The following IGF1 variants were observed in gnomAD, a reference collection of about 807,000 sequenced individuals.
The protein encoded by IGF1 is insulin-like growth factor 1.
Under a neutral mutation model 13.8 loss-of-function variants are expected in IGF1, and 4 were observed. The observed-to-expected ratio is 0.29, with a 90% CI of 0.14 to 0.66. IGF1 has a LOEUF of 0.66. IGF1 is among the 30% of genes least tolerant of loss of function. The pLI, the probability that IGF1 is intolerant of heterozygous loss-of-function variation, is 0.78. For synonymous variants in IGF1, 76 were observed against 72.6 expected (o/e 1.05, Z -0.23); for missense variants, 124 against 188.5 (o/e 0.66, Z 2.00).
At position 102,444,446 on chromosome 12, in the gene IGF1, C is replaced by A. The variant is rs149329383; in HGVS notation, c.221-24756G>T. Among the ~76,000 whole-genome samples, 1,221 of 151,998 alleles carry A rather than the reference C, an allele frequency of 8.0e-3. 13 individuals carry two copies. Among genetic ancestry groups the A allele is most frequent in the Non-Finnish European group, 0.014 (959 of 67,942 alleles). ...GGAAATGAAAGCATTCTCCCAATACCACCTCAACTTCATGGGCAAAAAGGG... is the reference window on the plus strand; with the variant it reads ...GGAAATGAAAGCATTCTCCCAATACAACCTCAACTTCATGGGCAAAAAGGG... On this transcript the variant is annotated intron_variant, in intron 2 of 3. Transcript: ENST00000337514.
rs970461676 is a variant in IGF1, at chr12:102,400,987, G to C, written c.*1520C>G. 6.6e-6 allele frequency: 1 copy of C among 152,074 alleles called. No individual in the cohort carries two copies. Among genetic ancestry groups the C allele is most frequent in the Admixed American group, 6.6e-5 (1 of 15,256 alleles). 9.4% of individuals were successfully genotyped at this position (152,074 alleles called of 1,614,324 possible). ...GCTGTTAGCTTTTAACAACTAGTTG[G>C]CCAGTTATTTGGATAGCTTCACTGA... On this transcript the variant is annotated 3_prime_UTR_variant, in exon 4 of 4. Coordinates refer to ENST00000337514, the MANE Select transcript of IGF1 (RefSeq NM_000618.5).
intron 3 of IGF1, among the ~76,000 whole-genome samples, chr12:102,413,591 G>T (rs1483756705): frequency 6.6e-6 from 1 of 152,116 alleles, no homozygotes; most frequent in Non-Finnish European, 1.5e-5. Context: ...CTTGTGAAAG[G>T]CACTGGATTG....
At chr12:102,474,786 T>C (rs575149234) in intron 2 of IGF1, among the ~76,000 whole-genome samples, 1 of 152,366 alleles carries the variant, frequency 6.6e-6, no homozygotes, top group East Asian at 1.9e-4. Context: ...GTGAGATAGA[T>C]GCATGGGAGC....
intron 2 of IGF1, among the ~76,000 whole-genome samples, chr12:102,441,960 T>TCTTCTTCTTCTTCTTCC (rs1565985036): frequency 1.4e-5 from 2 of 146,888 alleles, no homozygotes; most frequent in Admixed American, 1.5e-4. Flanking sequence ...TTCTTCTTTT[T>TCTTCTTCTTCTTCTTCC]TTTTTTTGAG....
chr12:102,480,487 T>G lies in IGF1; in HGVS notation c.-106A>C. 6.3e-7 allele frequency: 1 copy of G among 1,577,922 alleles called. No homozygotes were observed. Among genetic ancestry groups the G allele is most frequent in the Non-Finnish European group, 8.6e-7 (1 of 1,162,204 alleles). On this transcript the variant is annotated 5_prime_UTR_variant, in exon 1 of 4. Coordinates refer to ENST00000337514, the MANE Select transcript of IGF1 (RefSeq NM_000618.5). ...GTTGAGAGCAATGTCACATTTCAAT[T>G]TTGAGGACTTTATTCCATTGCGCAG...
intron 2 of IGF1, among the ~76,000 whole-genome samples, chr12:102,433,975 G>C (rs1165987512): frequency 6.6e-6 from 1 of 152,104 alleles, no homozygotes; most frequent in Non-Finnish European, 1.5e-5. Flanking sequence ...TCATTATGAA[G>C]AACTGATTGT....
chr12:102,458,198 A>C (rs1043889871), intron 2 of IGF1, among the ~76,000 whole-genome samples: 6 of 152,178 alleles, frequency 3.9e-5, no homozygotes, highest in African/African-American at 1.4e-4. Context: ...TTTTGAATGC[A>C]GCATACGGAG....
intron 3 of IGF1, among the ~76,000 whole-genome samples, chr12:102,409,923 G>C (rs761202835): frequency 1.3e-5 from 2 of 152,164 alleles, no homozygotes; most frequent in Non-Finnish European, 2.9e-5. Context: ...TTGCATGCTA[G>C]AGTGCTGCCC....
At chr12:102,409,411 A>G (rs577832369) in intron 3 of IGF1, among the ~76,000 whole-genome samples, 2 of 152,306 alleles carry the variant, frequency 1.3e-5, no homozygotes, top group Admixed American at 1.3e-4. Flanking sequence ...ATCCAAGCAA[A>G]GTGTTTGAGC....
chr12:102,423,301 G>T (rs1232370193), intron 2 of IGF1: 1 of 144,128 alleles, frequency 6.9e-6, no homozygotes, highest in African/African-American at 2.5e-5. Context: ...CCGGTGCCTG[G>T]TATAGTCCCT....
At chr12:102,430,397 T>C (rs1876631171) in intron 2 of IGF1, among the ~76,000 whole-genome samples, 1 of 152,180 alleles carries the variant, frequency 6.6e-6, no homozygotes, top group Admixed American at 6.5e-5. Flanking sequence ...ACTGGATGCC[T>C]GTTTATATAA....
chr12:102,418,009 A>C, intron 3 of IGF1: 1 of 1,603,726 alleles, frequency 6.2e-7, no homozygotes, highest in Non-Finnish European at 8.5e-7. Context: ...TGATACTGTA[A>C]ACATCACAAA....
chr12:102,438,109 A>G (rs1461713538), intron 2 of IGF1, among the ~76,000 whole-genome samples: 1 of 152,216 alleles, frequency 6.6e-6, no homozygotes, highest in East Asian at 1.9e-4. Context: ...GGACATTTAG[A>G]CACTCAGAAG....
chr12:102,434,608 A>G (rs1414061120), intron 2 of IGF1, among the ~76,000 whole-genome samples: 1 of 151,462 alleles, frequency 6.6e-6, no homozygotes, highest in East Asian at 1.9e-4. Flanking sequence ...CGCAATAAAC[A>G]TACGTGTGCA....
At chr12:102,403,761 T>C (rs1451292970) in intron 3 of IGF1, among the ~76,000 whole-genome samples, 1 of 149,698 alleles carries the variant, frequency 6.7e-6, no homozygotes, top group African/African-American at 2.5e-5. Context: ...CATGAGCCAC[T>C]GCACCCGGCC....
intron 2 of IGF1, chr12:102,463,085 A>G (rs1880047331): frequency 6.6e-6 from 1 of 152,220 alleles, no homozygotes; most frequent in African/African-American, 2.4e-5. Flanking sequence ...TGTTTCAGGA[A>G]TAACAAAGCA....
intron 3 of IGF1, among the ~76,000 whole-genome samples, chr12:102,406,270 A>G (rs918777964): frequency 6.6e-6 from 1 of 152,220 alleles, no homozygotes; most frequent in Admixed American, 6.5e-5. Flanking sequence ...TCTTAACTTA[A>G]TTACGCCAGC....
At chr12:102,476,103 C>G (rs181675231) in intron 1 of IGF1, among the ~76,000 whole-genome samples, 1 of 152,098 alleles carries the variant, frequency 6.6e-6, no homozygotes. Context: ...ACGTTTACTA[C>G]GGAAATGAAA....
In IGF1 at chr12:102,472,427, A is replaced by C. The variant is rs189066281; in HGVS notation, c.220+3216T>G. ...ACAGTTCTAATAGAGTTAAAAAAAA[A>C]CTCTCCTTGTTAAATATTGCAGATT... On this transcript the variant is annotated intron_variant, in intron 2 of 3. Coordinates refer to ENST00000337514, the MANE Select transcript of IGF1 (RefSeq NM_000618.5). Among the ~76,000 whole-genome samples, 55 of 152,176 alleles carry C rather than the reference A, an allele frequency of 3.6e-4. 1 individual carries two copies. Among genetic ancestry groups the C allele is most frequent in the African/African-American group, 1.0e-3 (43 of 41,542 alleles).
Sources: allele counts gnomAD v4.1 joint callset (sites outside exome capture counted in the v4.1 genomes callset), GRCh38; gene constraint gnomAD v4.1.1; transcripts MANE v1.5; gene names NCBI Gene and HGNC (gene_info 2026-07-23, HGNC 2026-07-21).